SATB1: variants seen among roughly 807,000 people sequenced by gnomAD.
SATB1 encodes the protein SATB homeobox 1.
Under a neutral mutation model 86.9 loss-of-function variants are expected in SATB1, and 11 were observed. The ratio of observed to expected loss-of-function variants is 0.13; its 90% CI spans 0.08 to 0.21. SATB1 has a LOEUF of 0.21. Among genes scored for constraint, SATB1 ranks in the 10% least tolerant of loss-of-function variants. The pLI is 1.00. For synonymous variants in SATB1, 357 were observed against 357.2 expected (o/e 1.00, Z 0.01); for missense variants, 551 against 937.6 (o/e 0.59, Z 5.39).
intron 1 of SATB1, among the ~76,000 whole-genome samples, chr3:18,422,767 G>A (rs1447960922): frequency 2.0e-5 from 3 of 152,114 alleles, no homozygotes; most frequent in African/African-American, 7.2e-5. Context: ...AGCCCTTGGG[G>A]CAATTTAAGA....
At chr3:18,399,279 G>A (rs1697123116) in intron 5 of SATB1, among the ~76,000 whole-genome samples, 1 of 152,162 alleles carries the variant, frequency 6.6e-6, no homozygotes, top group Non-Finnish European at 1.5e-5. Flanking sequence ...CTGGCTGGTA[G>A]TAAGGATGCA....
intron 5 of SATB1, 195 bp downstream of exon 5, chr3:18,414,916 A>C (rs1313158743): frequency 5.6e-6 from 3 of 532,292 alleles, no homozygotes; most frequent in Non-Finnish European, 9.7e-6. Context: ...CTTTTCCCCA[A>C]GGGAGAAAAA....
chr3:18,409,361 A>T (rs1288025614), intron 5 of SATB1: 2 of 152,080 alleles, frequency 1.3e-5, no homozygotes, highest in African/African-American at 4.8e-5. Flanking sequence ...CAAAAAGGAA[A>T]ACTTGCAATT....
At chr3:18,353,250 C>G (rs1694462617) in intron 9 of SATB1, among the ~76,000 whole-genome samples, 1 of 152,138 alleles carries the variant, frequency 6.6e-6, no homozygotes, top group Non-Finnish European at 1.5e-5. Flanking sequence ...AGTCTCTGCC[C>G]CTGTTTCTGA....
Position 18,351,238 on chromosome 3 carries a change from C to T in SATB1, c.1779+754G>A. ...TAGGGCCTTTACAGGTTTGAAAATCCTGACCTGGGGAGCAGGTCTTTAGGT... is the reference window on the plus strand; with the variant it reads ...TAGGGCCTTTACAGGTTTGAAAATCTTGACCTGGGGAGCAGGTCTTTAGGT... On this transcript the variant is annotated intron_variant, in intron 10 of 10. Coordinates refer to ENST00000338745, the MANE Select transcript of SATB1 (RefSeq NM_002971.6). The T allele has an allele frequency of 2.4e-6, 3 of 1,275,370 alleles. 1 individual carries two copies. In the South Asian group the frequency reaches 3.8e-5, roughly 16 times the overall value. The allele number at this position is 1,275,370 out of a possible 1,614,324, so 79.0% of individuals were successfully genotyped here.
rs1559386268 is a variant in SATB1 at position 18,349,878 on chromosome 3, G to C, written c.1780-196C>G. On this transcript the variant is annotated intron_variant, in intron 10 of 10. Coordinates refer to ENST00000338745, the MANE Select transcript of SATB1 (RefSeq NM_002971.6). This position sits in a 1 kb window ranked among gnomAD's most constrained non-coding sequence, Gnocchi z 5.5. ...AAATCAAAATGATATGACTAGGAAGGGATGAATTAAGACAGCTTTGGGGGG... is the reference window on the plus strand; with the variant it reads ...AAATCAAAATGATATGACTAGGAAGCGATGAATTAAGACAGCTTTGGGGGG... The C allele has an allele frequency of 2.1e-6, 2 of 975,230 alleles. No individual in the cohort carries two copies. The highest frequency in any genetic ancestry group is 2.9e-6 in the Non-Finnish European group (2 of 689,514). 60.4% of individuals were successfully genotyped at this position (975,230 alleles called of 1,614,324 possible).
At chr3:18,358,239 C>T (rs1694749052) in intron 9 of SATB1, among the ~76,000 whole-genome samples, 1 of 151,952 alleles carries the variant, frequency 6.6e-6, no homozygotes, top group African/African-American at 2.4e-5. Context: ...TATAAACCAT[C>T]CCATCATGTC....
chr3:18,411,034 C>T (rs1396713764), intron 5 of SATB1: 1 of 394,862 alleles, frequency 2.5e-6, no homozygotes, highest in East Asian at 3.6e-5. Flanking sequence ...AATTGTCCAA[C>T]ATATTTGAGA....
intron 9 of SATB1, among the ~76,000 whole-genome samples, chr3:18,360,749 A>C (rs564413781): frequency 1.3e-5 from 2 of 152,134 alleles, no homozygotes; most frequent in Non-Finnish European, 2.9e-5. Flanking sequence ...ATTCAGCCCA[A>C]TGCCTGCTCC....
intron 7 of SATB1, among the ~76,000 whole-genome samples, chr3:18,389,750 G>C (rs1037931073): frequency 2.4e-4 from 37 of 152,130 alleles, no homozygotes; most frequent in African/African-American, 8.7e-4. Flanking sequence ...TAAATTTGTT[G>C]AATTAAATTA....
upstream of SATB1, among the ~76,000 whole-genome samples, chr3:18,429,473 T>C (rs969691264): frequency 6.6e-6 from 1 of 152,214 alleles, no homozygotes; most frequent in Non-Finnish European, 1.5e-5. This position sits in a 1 kb window ranked among gnomAD's most constrained non-coding sequence, Gnocchi z 4.1. Flanking sequence ...GTTCAGAAGT[T>C]TGCAGTATTT....
chr3:18,420,559 A>C, intron 2 of SATB1, 198 bp downstream of exon 2: 1 of 589,328 alleles, frequency 1.7e-6, no homozygotes, highest in Admixed American at 3.0e-5. Context: ...TCTACAGTAG[A>C]ACGCTCCACC....
intron 5 of SATB1, among the ~76,000 whole-genome samples, chr3:18,400,917 C>G (rs1204487085): frequency 6.6e-6 from 1 of 152,210 alleles, no homozygotes; most frequent in East Asian, 1.9e-4. Flanking sequence ...TTCTTTCCTT[C>G]TCATACTCCA....
At chr3:18,415,260 G>C (rs776556372) in intron 4 of SATB1, 26 bp from the exon 5 acceptor site, 11 of 1,611,028 alleles carry the variant, frequency 6.8e-6, no homozygotes, top group Non-Finnish European at 7.6e-6. Flanking sequence ...ATTAGAAAGG[G>C]GATTATTACA....
intron 9 of SATB1, among the ~76,000 whole-genome samples, chr3:18,374,038 A>C (rs1695607833): frequency 6.6e-6 from 1 of 152,202 alleles, no homozygotes; most frequent in African/African-American, 2.4e-5. Flanking sequence ...AGCACAAGTG[A>C]TGATGCAGTG....
Position 18,345,487 on chromosome 3 carries a change from T to C in SATB1, c.*3683A>G, listed in dbSNP as rs1401736294. 1.3e-5 allele frequency: 2 copies of C among 152,148 alleles called. No homozygotes were observed. Among genetic ancestry groups the C allele is most frequent in the African/African-American group, 2.4e-5 (1 of 41,464 alleles). The allele number at this position is 152,148 out of a possible 1,614,324, so 9.4% of individuals were successfully genotyped here. A position where few individuals can be genotyped will look rare whatever the true frequency, so the allele number is the denominator to read the frequency against. ...CAATTTCTTTAATTAGGGTACTTTA[T>C]ATTTTATCAAAAATGTGCATATTAA... is the stretch of plus-strand genomic sequence containing the variant. On this transcript the variant is annotated 3_prime_UTR_variant, in exon 11 of 11. Coordinates refer to ENST00000338745, the MANE Select transcript of SATB1 (RefSeq NM_002971.6).
intron 8 of SATB1, 22 bp from the exon 9 acceptor site, chr3:18,378,347 G>C (rs754301688): frequency 1.9e-6 from 3 of 1,607,812 alleles, no homozygotes; most frequent in Non-Finnish European, 2.5e-6. Context: ...TTTGAACATG[G>C]CTGTCATTTT....
rs528435253 is a variant in SATB1 at position 18,420,647 on chromosome 3, A to G, written c.211+110T>C. The stretch of plus-strand genomic sequence containing the variant: ...TAACTAATGTACGATCATAAGGAGA[A>G]TAAAGGCAGAGTATACAAAACATGT... On this transcript the variant is annotated intron_variant, in intron 2 of 10. Coordinates refer to ENST00000338745, the MANE Select transcript of SATB1 (RefSeq NM_002971.6). 6.5e-5 allele frequency: 55 copies of G among 842,132 alleles called. No homozygotes were observed. The South Asian group carries it at 8.4e-4, about 13-fold the overall frequency. 52.2% of individuals were successfully genotyped at this position (842,132 alleles called of 1,614,324 possible).
intron 9 of SATB1, among the ~76,000 whole-genome samples, chr3:18,355,564 G>C (rs1694589802): frequency 6.6e-6 from 1 of 151,982 alleles, no homozygotes; most frequent in Non-Finnish European, 1.5e-5. Flanking sequence ...CCAAAGTACT[G>C]TACTAGTTTT....
Sources: allele counts gnomAD v4.1 joint callset (sites outside exome capture counted in the v4.1 genomes callset), GRCh38; gene constraint gnomAD v4.1.1; non-coding constraint Gnocchi (gnomAD v3.1); transcripts MANE v1.5; gene names NCBI Gene and HGNC (gene_info 2026-07-23, HGNC 2026-07-21).